The following JPT2 variants were observed in gnomAD, a reference collection of about 807,000 sequenced individuals.
JPT2 encodes the protein CRAMP_1 like.
A neutral mutation model predicts 15.9 loss-of-function variants in JPT2; 9 were observed. That is an observed-to-expected ratio of 0.57 (90% CI 0.34 to 0.99). The LOEUF (loss-of-function observed/expected upper bound fraction) is 0.99. Ranked by LOEUF, JPT2 falls within the 50% of genes least tolerant of loss-of-function variation. JPT2 has a pLI of 0.02. For missense variants in JPT2, 267 were observed against 252.1 expected (o/e 1.06, Z -0.40); for synonymous variants, 95 against 91.7 (o/e 1.04, Z -0.21).
chr16:1,699,746 T>A lies in JPT2; in HGVS notation c.*748T>A. Reference sequence around the variant, plus strand: ...AGTTTTGCTTGTGAATTCTTGCTTTTTTCCTCTCATCAGCCTTAAGTTTAG... The same window carrying A: ...AGTTTTGCTTGTGAATTCTTGCTTTATTCCTCTCATCAGCCTTAAGTTTAG... On this transcript the variant is annotated 3_prime_UTR_variant, in exon 5 of 5. Transcript: ENST00000248098. 4.3e-6 allele frequency: 1 copy of A among 233,548 alleles called. No individual in the cohort carries two copies. Among genetic ancestry groups the A allele is most frequent in the South Asian group, 5.9e-5 (1 of 16,908 alleles). The allele number at this position is 233,548 out of a possible 1,614,324, so 14.5% of individuals were successfully genotyped here. A position where few individuals can be genotyped will look rare whatever the true frequency, so the allele number is the denominator to read the frequency against.
intron 1 of JPT2, among the ~76,000 whole-genome samples, chr16:1,683,106 A>G (rs2037036942): frequency 6.6e-6 from 1 of 151,940 alleles, no homozygotes; most frequent in Non-Finnish European, 1.5e-5. Context: ...CCTCCTGAGT[A>G]GCTGGGACTA....
chr16:1,678,766 C>T (rs549650656), intron 1 of JPT2, among the ~76,000 whole-genome samples: 3 of 150,650 alleles, frequency 2.0e-5, no homozygotes, highest in Non-Finnish European at 3.0e-5. Flanking sequence ...TGTCCATGTT[C>T]CCGGGGGGGT....
chr16:1,683,374 G>T (rs865804752), intron 1 of JPT2: 3 of 632,732 alleles, frequency 4.7e-6, no homozygotes, highest in Non-Finnish European at 8.3e-6. Context: ...GCCTCCCAAG[G>T]TGCTGGGATT....
At chr16:1,695,273 C>T (rs2037132737) in intron 3 of JPT2, among the ~76,000 whole-genome samples, 1 of 152,018 alleles carries the variant, frequency 6.6e-6, no homozygotes, top group African/African-American at 2.4e-5. Context: ...GGCCTGGTGG[C>T]ACATGCTTGT....
At chr16:1,691,287 G>C (rs997476066) in intron 2 of JPT2, among the ~76,000 whole-genome samples, 2 of 152,188 alleles carry the variant, frequency 1.3e-5, no homozygotes, top group African/African-American at 4.8e-5. Flanking sequence ...GTCACTTATA[G>C]TTGGCAACAA....
Position 1,692,249 on chromosome 16 carries a change from C to T in JPT2, c.336+264C>T, listed in dbSNP as rs2037108903. ...CCACTGCAGACGGGCTGTGGCGGCT[C>T]CTCACTGCAGTGCTGCGGGGCGCGG... is the stretch of plus-strand genomic sequence containing the variant. On this transcript the variant is annotated intron_variant, in intron 3 of 4. Transcript: ENST00000248098. 9.8e-6 allele frequency: 5 copies of T among 512,136 alleles called. No homozygotes were observed. In the East Asian group the frequency reaches 1.8e-4, roughly 18 times the overall value. 31.7% of individuals were successfully genotyped at this position (512,136 alleles called of 1,614,324 possible). A position where few individuals can be genotyped will look rare whatever the true frequency, so the allele number is the denominator to read the frequency against.
At position 1,698,698 on chromosome 16, in the gene JPT2, C is replaced by G; in HGVS notation, c.386-113C>G. 1 of 1,016,026 alleles carries G rather than the reference C, an allele frequency of 9.8e-7. No homozygotes were observed. The highest frequency in any genetic ancestry group is 1.4e-6 in the Non-Finnish European group (1 of 701,294). 62.9% of individuals were successfully genotyped at this position (1,016,026 alleles called of 1,614,324 possible). On this transcript the variant is annotated intron_variant, in intron 4 of 4. Transcript: ENST00000248098. The surrounding 1 kb of genome is among the most constrained non-coding windows in gnomAD (Gnocchi z 4.9). The stretch of plus-strand genomic sequence containing the variant: ...TATATTGTCTTCTCTTTCCCAGTTA[C>G]AGCATGAATTTCTTGCAGGTTGCTC...
rs1016290720 is a variant in JPT2 at position 1,698,283 on chromosome 16, G to A, written c.385+423G>A. 3.3e-5 allele frequency among the ~76,000 whole-genome samples: 5 copies of A among 152,226 alleles called. No homozygotes were observed. ...GAGCCACTGCTCAGGTTGAGCGGCAGACTTCGACTCTCCCCACGGCTCTTT... is the reference window on the plus strand; with the variant it reads ...GAGCCACTGCTCAGGTTGAGCGGCAAACTTCGACTCTCCCCACGGCTCTTT... On this transcript the variant is annotated intron_variant, in intron 4 of 4. Coordinates refer to ENST00000248098, the MANE Select transcript of JPT2 (RefSeq NM_144570.3). This position sits in a 1 kb window ranked among gnomAD's most constrained non-coding sequence, Gnocchi z 4.9.
At position 1,697,849 on chromosome 16, in the gene JPT2, C is replaced by A; in HGVS notation, c.374C>A (p.Ser125Ter). Residue 125 changes from serine to a stop codon, truncating the protein, a stop_gained, in exon 4 of 5, where the codon TCG becomes TAG. Transcript: ENST00000248098. LOFTEE classifies it low-confidence loss of function (END_TRUNC). ...TTATGTGAAGGAGAAGAACCAAAAT[C>A]GGATCTTAAAGGTGAGCTTTTGTTT... is the stretch of plus-strand genomic sequence containing the variant. ...VFLCEGEEPKSDLKAARSIPA... is the reference protein window; with the variant it reads ...VFLCEGEEPK 6.2e-7 allele frequency: 1 copy of A among 1,613,916 alleles called. No homozygotes were observed. Among genetic ancestry groups the A allele is most frequent in the Non-Finnish European group, 8.5e-7 (1 of 1,179,896 alleles).
rs57906613 is a variant in JPT2, at chr16:1,681,824, C to T, written c.44+3468C>T. 3.0e-3 allele frequency among the ~76,000 whole-genome samples: 455 copies of T among 152,196 alleles called. 3 individuals are homozygous for T. Among genetic ancestry groups the T allele is most frequent in the African/African-American group, 0.01 (433 of 41,528 alleles). ...ACTGTGAATGTAGGGAATGTGGGGT[C>T]GGGAAAGAGTCCTACAGAGCTTGCA... On this transcript the variant is annotated intron_variant, in intron 1 of 4. Coordinates refer to ENST00000248098, the MANE Select transcript of JPT2 (RefSeq NM_144570.3).
intron 2 of JPT2, 88 bp from the exon 3 acceptor site, chr16:1,691,755 G>C (rs554599095): frequency 6.7e-7 from 1 of 1,490,136 alleles, no homozygotes; most frequent in South Asian, 1.3e-5. Flanking sequence ...GTTCCTATGA[G>C]AGGAGGTCTC....
chr16:1,697,827 T>A lies in JPT2; in HGVS notation c.352T>A (p.Cys118Ser). The change falls in exon 4 of 5, where the codon TGT becomes AGT. Residue 118 changes from cysteine (C) to serine (S), a missense_variant. Cys to Ser is a moderately radical substitution (Grantham distance 112). Coordinates refer to ENST00000248098, the MANE Select transcript of JPT2 (RefSeq NM_144570.3). The part of the protein sequence containing the change: ...PNKPKDHVFL[C>S]EGEEPKSDLK... ...CTTGTTGCAGGATCATGTTTTCTTA[T>A]GTGAAGGAGAAGAACCAAAATCGGA... 6.2e-7 allele frequency: 1 copy of A among 1,614,124 alleles called. No homozygotes were observed. Among genetic ancestry groups the A allele is most frequent in the Non-Finnish European group, 8.5e-7 (1 of 1,180,010 alleles).
chr16:1,685,568 C>G lies in JPT2; in HGVS notation c.174C>G (p.Pro58=). 1 of 1,614,064 alleles carries G rather than the reference C, an allele frequency of 6.2e-7. No individual in the cohort carries two copies. The highest frequency in any genetic ancestry group is 8.5e-7 in the Non-Finnish European group (1 of 1,179,990). Residue 58 remains proline, a synonymous_variant, in exon 2 of 5, where the codon CCC becomes CCG. Transcript: ENST00000248098. ...FGPTEEPQNI[P]KRTNPPGGKG... ...CAACAGAAGAACCTCAGAACATACCCAAGAGGACAAATCCCCCAGGTATGG... is the reference window on the plus strand; with the variant it reads ...CAACAGAAGAACCTCAGAACATACCGAAGAGGACAAATCCCCCAGGTATGG...
rs1296995844 is a variant in JPT2 at position 1,700,032 on chromosome 16, T to TA, written c.*1037dup. The TA allele has an allele frequency of 5.4e-6, 2 of 371,132 alleles. No homozygotes were observed. Among genetic ancestry groups the TA allele is most frequent in the South Asian group, 3.7e-5 (2 of 54,066 alleles). 23.0% of individuals were successfully genotyped at this position (371,132 alleles called of 1,614,324 possible). A position where few individuals can be genotyped will look rare whatever the true frequency, so the allele number is the denominator to read the frequency against. On this transcript the variant is annotated 3_prime_UTR_variant, in exon 5 of 5. Coordinates refer to ENST00000248098, the MANE Select transcript of JPT2 (RefSeq NM_144570.3). Reference sequence around the variant, plus strand: ...CTAAATTTTAAATACCAGCTTTACATAAATGATTGTTGACTCTGGTCTGTT... The same window carrying TA: ...CTAAATTTTAAATACCAGCTTTACATAAAATGATTGTTGACTCTGGTCTGTT...
At chr16:1,684,654 T>C (rs2369488) in intron 1 of JPT2, among the ~76,000 whole-genome samples, 21,613 of 151,880 alleles carry the variant, frequency 0.14, 2,389 homozygotes, top group African/African-American at 0.31. Context: ...GCAGAAGAAT[T>C]GCTTGAACCC....
chr16:1,687,325 G>A (rs2037074140), intron 2 of JPT2, among the ~76,000 whole-genome samples: 2 of 152,068 alleles, frequency 1.3e-5, no homozygotes, highest in South Asian at 4.2e-4. Context: ...TGGTCTGTTT[G>A]GTTGCTTTTT....
chr16:1,683,673 C>A, intron 1 of JPT2: 1 of 983,704 alleles, frequency 1.0e-6, no homozygotes, highest in Non-Finnish European at 1.5e-6. Context: ...GCACTCTCTG[C>A]CTTCCTGCTT....
chr16:1,680,587 T>G, intron 1 of JPT2: 3 of 947,854 alleles, frequency 3.2e-6, no homozygotes, highest in Non-Finnish European at 4.0e-6. Context: ...GCGGGCGCCT[T>G]GTAAGCGTCA....
chr16:1,685,370 C>A, intron 1 of JPT2, 69 bp from the exon 2 acceptor site: 1 of 1,546,138 alleles, frequency 6.5e-7, no homozygotes, highest in South Asian at 1.2e-5. Context: ...CTAGTTGTGC[C>A]AAAATCCTTG....
Sources: allele counts gnomAD v4.1 joint callset (sites outside exome capture counted in the v4.1 genomes callset), GRCh38; gene constraint gnomAD v4.1.1; non-coding constraint Gnocchi (gnomAD v3.1); transcripts MANE v1.5; gene names NCBI Gene and HGNC (gene_info 2026-07-23, HGNC 2026-07-21).